RAB39A: variants seen among roughly 807,000 people sequenced by gnomAD.
RAB39A encodes the protein ras-related protein Rab-39A.
RAB39A carries 17 observed loss-of-function variants against 20.9 expected under a neutral mutation model. The ratio of observed to expected loss-of-function variants is 0.81; its 90% CI spans 0.56 to 1.22. RAB39A has a LOEUF of 1.22. RAB39A is among the 50% of genes most tolerant of loss of function. The pLI, the probability that RAB39A is intolerant of heterozygous loss-of-function variation, is 0.00. For synonymous variants in RAB39A, 99 were observed against 103.4 expected (o/e 0.96, Z 0.26); for missense variants, 234 against 270.5 (o/e 0.87, Z 0.95).
At chr11:107,952,508 G>A (rs1229564233) in intron 1 of RAB39A, among the ~76,000 whole-genome samples, 2 of 152,086 alleles carry the variant, frequency 1.3e-5, no homozygotes, top group East Asian at 1.9e-4. Flanking sequence ...TTGAACCCAG[G>A]AGGTGGAGGT....
chr11:107,950,764 TA>T (rs5794581), intron 1 of RAB39A, among the ~76,000 whole-genome samples: 101 of 131,316 alleles, frequency 7.7e-4, no homozygotes, highest in South Asian at 1.2e-3. Context: ...AGACCCTGTC[TA>T]AAAAAAAAAA....
Position 107,962,295 on chromosome 11 carries a change from G to T in RAB39A, c.577G>T (p.Val193Phe), listed in dbSNP as rs1052041488. The stretch of plus-strand genomic sequence containing the variant: ...TTGTATTCAGGATGGCTGGGAAGGG[G>T]TTAAAAGTGGTTTTGTTCCAAATAC... ...EICIQDGWEG[V>F]KSGFVPNTVH... Residue 193 changes from valine to phenylalanine, a missense_variant, in exon 2 of 2, where the codon GTT (valine) becomes TTT (phenylalanine). Transcript: ENST00000320578. The T allele has an allele frequency of 6.2e-7, 1 of 1,613,844 alleles. No homozygotes were observed. The highest frequency in any genetic ancestry group is 8.5e-7 in the Non-Finnish European group (1 of 1,179,930).
chr11:107,949,318 A>T (rs1272822927), intron 1 of RAB39A, among the ~76,000 whole-genome samples: 1 of 152,188 alleles, frequency 6.6e-6, no homozygotes, highest in Non-Finnish European at 1.5e-5. Flanking sequence ...AAAAAAAAAT[A>T]GAGAAAAGAA....
At chr11:107,942,695 G>A (rs1861271724) in intron 1 of RAB39A, among the ~76,000 whole-genome samples, 1 of 151,994 alleles carries the variant, frequency 6.6e-6, no homozygotes, top group South Asian at 2.1e-4. Flanking sequence ...TTAGTGGTTT[G>A]CACAAGAACC....
At chr11:107,931,540 A>G (rs978027457) in intron 1 of RAB39A, among the ~76,000 whole-genome samples, 3 of 152,228 alleles carry the variant, frequency 2.0e-5, no homozygotes, top group African/African-American at 7.2e-5. Flanking sequence ...CATTTAAAAC[A>G]ATTACTATTA....
At chr11:107,946,436 G>GTGTGTGTA (rs1315934948) in intron 1 of RAB39A, among the ~76,000 whole-genome samples, 43 of 30,478 alleles carry the variant, frequency 1.4e-3, no homozygotes, top group African/African-American at 3.1e-3. Flanking sequence ...GTGTGTGTGT[G>GTGTGTGTA]TATATATATA....
In RAB39A at chr11:107,928,842, C is replaced by G. The variant is rs1184070589; in HGVS notation, c.227+47C>G. The G allele has an allele frequency of 7.0e-7, 1 of 1,422,776 alleles. No homozygotes were observed. Among genetic ancestry groups the G allele is most frequent in the Non-Finnish European group, 9.4e-7 (1 of 1,061,472 alleles). The allele number at this position is 1,422,776 out of a possible 1,614,324, so 88.1% of individuals were successfully genotyped here. A position where few individuals can be genotyped will look rare whatever the true frequency, so the allele number is the denominator to read the frequency against. The stretch of plus-strand genomic sequence containing the variant: ...GGCACCGCGCCGCCCCCTCAGCCCG[C>G]CCGGACGCCCCTTCCCCAGGCGTCC... On this transcript the variant is annotated intron_variant, in intron 1 of 1. Coordinates refer to ENST00000320578, the MANE Select transcript of RAB39A (RefSeq NM_017516.3). This position sits in a 1 kb window ranked among gnomAD's most constrained non-coding sequence, Gnocchi z 4.9.
chr11:107,928,851 C>T lies in RAB39A; in HGVS notation c.227+56C>T, dbSNP rs576200510. On this transcript the variant is annotated intron_variant, in intron 1 of 1. Coordinates refer to ENST00000320578, the MANE Select transcript of RAB39A (RefSeq NM_017516.3). The surrounding 1 kb of genome is among the most constrained non-coding windows in gnomAD (Gnocchi z 4.9). The stretch of plus-strand genomic sequence containing the variant: ...CCGCCCCCTCAGCCCGCCCGGACGC[C>T]CCTTCCCCAGGCGTCCGCCCCGCCG... 5.3e-5 allele frequency: 74 copies of T among 1,405,464 alleles called. No homozygotes were observed. The South Asian group carries it at 1.0e-3, about 19-fold the overall frequency. The allele number at this position is 1,405,464 out of a possible 1,614,324, so 87.1% of individuals were successfully genotyped here. A position where few individuals can be genotyped will look rare whatever the true frequency, so the allele number is the denominator to read the frequency against.
intron 1 of RAB39A, among the ~76,000 whole-genome samples, chr11:107,939,516 A>G (rs1206313843): frequency 6.6e-6 from 1 of 151,266 alleles, no homozygotes; most frequent in African/African-American, 2.4e-5. Flanking sequence ...AGGCTGAGGC[A>G]GGAGAATGGC....
intron 1 of RAB39A, among the ~76,000 whole-genome samples, chr11:107,958,734 C>T (rs1861464505): frequency 7.3e-6 from 1 of 136,436 alleles, no homozygotes; most frequent in Non-Finnish European, 1.7e-5. Context: ...GATTTGCCAA[C>T]TGTAATCTAA....
At chr11:107,945,014 C>G (rs1481472658) in intron 1 of RAB39A, among the ~76,000 whole-genome samples, 5 of 151,690 alleles carry the variant, frequency 3.3e-5, no homozygotes, top group Admixed American at 1.3e-4. Flanking sequence ...GAAACGCCAT[C>G]TCTACTAAAG....
At chr11:107,960,584 G>A (rs892199137) in intron 1 of RAB39A, among the ~76,000 whole-genome samples, 2 of 152,176 alleles carry the variant, frequency 1.3e-5, no homozygotes, top group South Asian at 4.1e-4. Flanking sequence ...ACAATTGTAG[G>A]TTAGCCGAAA....
At chr11:107,944,278 CCTT>C (rs1207720328) in intron 1 of RAB39A, among the ~76,000 whole-genome samples, 1 of 151,968 alleles carries the variant, frequency 6.6e-6, no homozygotes, top group Non-Finnish European at 1.5e-5. Flanking sequence ...TGCACACGAT[CCTT>C]CTTATATCCC....
At position 107,928,812 on chromosome 11, in the gene RAB39A, C is replaced by T. The variant is rs764606172; in HGVS notation, c.227+17C>T. 2.0e-6 allele frequency: 3 copies of T among 1,497,948 alleles called. No homozygotes were observed. The highest frequency in any genetic ancestry group is 2.7e-6 in the Non-Finnish European group (3 of 1,109,952). The allele number at this position is 1,497,948 out of a possible 1,614,324, so 92.8% of individuals were successfully genotyped here. A position where few individuals can be genotyped will look rare whatever the true frequency, so the allele number is the denominator to read the frequency against. On this transcript the variant is annotated intron_variant, in intron 1 of 1. Transcript: ENST00000320578. This position sits in a 1 kb window ranked among gnomAD's most constrained non-coding sequence, Gnocchi z 4.9. The stretch of plus-strand genomic sequence containing the variant: ...GCGGTTCAGGTAGGGACCCCGGGGA[C>T]CTTGGGCACCGCGCCGCCCCCTCAG...
chr11:107,949,760 C>G (rs968440566), intron 1 of RAB39A, among the ~76,000 whole-genome samples: 25 of 152,218 alleles, frequency 1.6e-4, no homozygotes, highest in African/African-American at 6.0e-4. Context: ...AAACATTTCT[C>G]ATTAATTTCC....
intron 1 of RAB39A, among the ~76,000 whole-genome samples, chr11:107,951,175 C>G (rs1329438404): frequency 6.6e-6 from 1 of 152,156 alleles, no homozygotes; most frequent in Non-Finnish European, 1.5e-5. Context: ...GTTTCAGGAT[C>G]TTAAGTGAGG....
intron 1 of RAB39A, among the ~76,000 whole-genome samples, chr11:107,950,447 T>C (rs1202888630): frequency 6.6e-6 from 1 of 152,012 alleles, no homozygotes; most frequent in Non-Finnish European, 1.5e-5. Context: ...CCCAGTGCAG[T>C]TTTAAACACT....
At chr11:107,952,668 T>G (rs1861393540) in intron 1 of RAB39A, among the ~76,000 whole-genome samples, 1 of 151,614 alleles carries the variant, frequency 6.6e-6, no homozygotes, top group South Asian at 2.1e-4. Context: ...GATCATGAGG[T>G]CAAGAGATCG....
chr11:107,946,869 C>T (rs1344134980), intron 1 of RAB39A, among the ~76,000 whole-genome samples: 3 of 151,818 alleles, frequency 2.0e-5, no homozygotes, highest in Non-Finnish European at 4.4e-5. Flanking sequence ...AGGCAGATCA[C>T]TTGAGGTCTG....
Sources: allele counts gnomAD v4.1 joint callset (sites outside exome capture counted in the v4.1 genomes callset), GRCh38; gene constraint gnomAD v4.1.1; non-coding constraint Gnocchi (gnomAD v3.1); transcripts MANE v1.5; gene names NCBI Gene and HGNC (gene_info 2026-07-23, HGNC 2026-07-21).